Variants in TOX4 observed in about 807,000 individuals in gnomAD.
TOX4 encodes epidermal Langerhans cell protein LCP1.
A neutral mutation model predicts 61.0 loss-of-function variants in TOX4; 12 were observed. That is an observed-to-expected ratio of 0.20 (90% CI 0.13 to 0.32). The LOEUF (loss-of-function observed/expected upper bound fraction) is 0.32. Among genes scored for constraint, TOX4 ranks in the 10% least tolerant of loss-of-function variants. TOX4 has a pLI of 1.00. For synonymous variants in TOX4, 268 were observed against 274.8 expected (o/e 0.98, Z 0.24); for missense variants, 499 against 753.3 (o/e 0.66, Z 3.95).
intron 7 of TOX4, among the ~76,000 whole-genome samples, chr14:21,494,299 T>TG (rs1240856091): frequency 1.3e-5 from 2 of 152,186 alleles, no homozygotes; most frequent in African/African-American, 4.8e-5. Flanking sequence ...TTCATACCGT[T>TG]ATTTTTTAAA....
intron 2 of TOX4, among the ~76,000 whole-genome samples, chr14:21,481,844 A>AT (rs1255515676): frequency 6.6e-6 from 1 of 152,216 alleles, no homozygotes; most frequent in Non-Finnish European, 1.5e-5. Context: ...ATTCGTTCAT[A>AT]TTTTTTAATG....
Position 21,477,609 on chromosome 14 carries a change from C to T in TOX4, c.75+45C>T, listed in dbSNP as rs774030220. The T allele has an allele frequency of 3.1e-5, 49 of 1,605,000 alleles. No individual in the cohort carries two copies. The East Asian group carries it at 3.3e-4, about 11-fold the overall frequency. ...GCCGCGGGGGTAGGGCCTGAGGCAG[C>T]GGTGGGGTAGGGTAGTGGGGAGGAG... On this transcript the variant is annotated intron_variant, in intron 2 of 8. Coordinates refer to ENST00000448790, the MANE Select transcript of TOX4 (RefSeq NM_014828.4).
At position 21,497,087 on chromosome 14, in the gene TOX4, T is replaced by C. The variant is rs545867664; in HGVS notation, c.*481T>C. ...GCTTTGAAAACAAAACTTTTCAACATGGGCATACTGGGCTACATGGAAAAT... is the reference window on the plus strand; with the variant it reads ...GCTTTGAAAACAAAACTTTTCAACACGGGCATACTGGGCTACATGGAAAAT... On this transcript the variant is annotated 3_prime_UTR_variant, in exon 9 of 9. Coordinates refer to ENST00000448790, the MANE Select transcript of TOX4 (RefSeq NM_014828.4). 7 of 154,374 alleles carry C rather than the reference T, an allele frequency of 4.5e-5. No individual in the cohort carries two copies. Among genetic ancestry groups the C allele is most frequent in the Admixed American group, 4.5e-4 (7 of 15,708 alleles). The allele number at this position is 154,374 out of a possible 1,614,324, so 9.6% of individuals were successfully genotyped here.
chr14:21,488,435 ATTTT>A lies in TOX4; in HGVS notation c.319-151_319-148del, dbSNP rs372957889. Reference sequence around the variant, plus strand: ...ATTTCTGTACTTTTTTAAAAAGCTTATTTTTTTATTTTCATTTTTGAAGACTATT... The same window carrying A: ...ATTTCTGTACTTTTTTAAAAAGCTTATTTATTTTCATTTTTGAAGACTATT... On this transcript the variant is annotated intron_variant, in intron 3 of 8. Transcript: ENST00000448790. 1.6e-3 allele frequency: 1,206 copies of A among 776,726 alleles called. 2 individuals carry two copies. Among genetic ancestry groups the A allele is most frequent in the Non-Finnish European group, 1.9e-3 (955 of 497,516 alleles). The allele number at this position is 776,726 out of a possible 1,614,324, so 48.1% of individuals were successfully genotyped here. A position where few individuals can be genotyped will look rare whatever the true frequency, so the allele number is the denominator to read the frequency against.
chr14:21,498,244 G>C lies in TOX4; in HGVS notation c.*1638G>C. On this transcript the variant is annotated 3_prime_UTR_variant, in exon 9 of 9. Coordinates refer to ENST00000448790, the MANE Select transcript of TOX4 (RefSeq NM_014828.4). ...GCCATGGCTATGGATTCTTAGCTCT[G>C]TAAGGAAGTGCTTCTATAAATTCTT... is the stretch of plus-strand genomic sequence containing the variant. 3 of 1,455,280 alleles carry C rather than the reference G, an allele frequency of 2.1e-6. No homozygotes were observed. Among genetic ancestry groups the C allele is most frequent in the Non-Finnish European group, 1.9e-6 (2 of 1,035,076 alleles). The allele number at this position is 1,455,280 out of a possible 1,614,324, so 90.1% of individuals were successfully genotyped here.
rs199525596 is a variant in TOX4, at chr14:21,493,738, CTGTTT to C, written c.1641+503_1641+507del. ...ACAGGTGTGAGCCACTGCACCCGCC[CTGTTT>C]TGTTTTGTTTTGTTTTGTTTTTCTT... On this transcript the variant is annotated intron_variant, in intron 7 of 8. Transcript: ENST00000448790. 3.8e-3 allele frequency among the ~76,000 whole-genome samples: 575 copies of C among 150,494 alleles called. 1 individual carries two copies. Among genetic ancestry groups the C allele is most frequent in the Admixed American group, 5.8e-3 (88 of 15,108 alleles).
At chr14:21,487,351 T>A (rs1419147795) in intron 2 of TOX4, 100 bp from the exon 3 acceptor site, 7 of 1,467,430 alleles carry the variant, frequency 4.8e-6, no homozygotes, top group Non-Finnish European at 6.4e-6. Context: ...GCAGAAAAAA[T>A]GCATCCTGAG....
At chr14:21,492,022 A>T (rs549472865) in intron 5 of TOX4, 83 of 245,564 alleles carry the variant, frequency 3.4e-4, no homozygotes, top group South Asian at 1.8e-3. Context: ...AAAAAAATTT[A>T]AAAAAAATAA....
chr14:21,492,205 T>C, intron 5 of TOX4, 91 bp from the exon 6 acceptor site: 1 of 1,215,422 alleles, frequency 8.2e-7, no homozygotes, highest in Non-Finnish European at 1.2e-6. Flanking sequence ...CTAAGATGAA[T>C]TGTCATTCAT....
At chr14:21,478,308 T>C (rs7151259) in intron 2 of TOX4, among the ~76,000 whole-genome samples, 139,739 of 152,238 alleles carry the variant, frequency 0.92, 64,246 homozygotes, top group Middle Eastern at 0.95. Context: ...TTTGCTAATG[T>C]CAGGAGGAAA....
rs1891319365 is a variant in TOX4 at position 21,492,780 on chromosome 14, T to G, written c.1164T>G (p.Thr388=). 1 of 1,614,038 alleles carries G rather than the reference T, an allele frequency of 6.2e-7. No individual in the cohort carries two copies. The highest frequency in any genetic ancestry group is 8.5e-7 in the Non-Finnish European group (1 of 1,180,052). The change falls in exon 7 of 9, where the codon ACT becomes ACG. Residue 388 remains threonine, a synonymous_variant. Transcript: ENST00000448790. ...CTATGTCTCAAGGAGGGATGGTTAC[T>G]GTTATCCCAGCCACAGTGGTGACCT... ...SITMSQGGMV[T]VIPATVVTSR...
chr14:21,485,339 T>G (rs1169091390), intron 2 of TOX4, among the ~76,000 whole-genome samples: 2 of 101,662 alleles, frequency 2.0e-5, no homozygotes, highest in African/African-American at 7.5e-5. Context: ...CACTTGAACC[T>G]GGGAGGCGGA....
chr14:21,493,916 A>AT (rs1369739369), intron 7 of TOX4, among the ~76,000 whole-genome samples: 1 of 151,658 alleles, frequency 6.6e-6, no homozygotes, highest in Non-Finnish European at 1.5e-5. Context: ...CACCCAGCTA[A>AT]TTTTTTGTAT....
Position 21,492,903 on chromosome 14 carries a change from T to C in TOX4, c.1287T>C (p.Ala429=). ...VTRSVLQAAA[A]AAAAASMQLP... is the part of the protein sequence containing the mutation. Reference sequence around the variant, plus strand: ...GGTCAGTGTTGCAGGCAGCAGCAGCTGCTGCTGCTGCTGCTTCTATGCAAC... The same window carrying C: ...GGTCAGTGTTGCAGGCAGCAGCAGCCGCTGCTGCTGCTGCTTCTATGCAAC... The change falls in exon 7 of 9, where the codon GCT becomes GCC. Residue 429 remains alanine, a synonymous_variant. Coordinates refer to ENST00000448790, the MANE Select transcript of TOX4 (RefSeq NM_014828.4). 1 of 1,590,968 alleles carries C rather than the reference T, an allele frequency of 6.3e-7. No individual in the cohort carries two copies.
chr14:21,489,179 C>T lies in TOX4; in HGVS notation c.586C>T (p.Pro196Ser), dbSNP rs2139625262. Residue 196 changes from proline (P) to serine (S), a missense_variant, in exon 5 of 9, where the codon CCC becomes TCC. Pro to Ser is a moderately conservative substitution (Grantham distance 74). This residue lies in a region of TOX4 where 61 missense variants were observed against 76.1 expected (regional missense o/e 0.80). Transcript: ENST00000448790. Reference sequence around the variant, plus strand: ...TCTTTTTTCTCTCCTACAGCAACTTCCCAGCCAGAAGACAGTCGTGGTGGA... The same window carrying T: ...TCTTTTTTCTCTCCTACAGCAACTTTCCAGCCAGAAGACAGTCGTGGTGGA... ...DGVEDFRRQL[P>S]SQKTVVVEAG... The T allele has an allele frequency of 1.2e-6, 2 of 1,613,220 alleles. No individual in the cohort carries two copies. The highest frequency in any genetic ancestry group is 1.7e-6 in the Non-Finnish European group (2 of 1,179,832).
Position 21,481,236 on chromosome 14 carries a change from T to C in TOX4, c.75+3672T>C, listed in dbSNP as rs140460930. Among the ~76,000 whole-genome samples, 713 of 152,290 alleles carry C rather than the reference T, an allele frequency of 4.7e-3. 5 individuals are homozygous for C. Among genetic ancestry groups the C allele is most frequent in the African/African-American group, 0.016 (678 of 41,546 alleles). On this transcript the variant is annotated intron_variant, in intron 2 of 8. Transcript: ENST00000448790. Reference sequence around the variant, plus strand: ...CTCTGTCACCCAGGCTGGAGTGCAGTGGTGCGGTCTCGACTCACTGCAACC... The same window carrying C: ...CTCTGTCACCCAGGCTGGAGTGCAGCGGTGCGGTCTCGACTCACTGCAACC...
intron 5 of TOX4, among the ~76,000 whole-genome samples, chr14:21,489,999 T>C (rs1483891421): frequency 2.0e-5 from 3 of 150,544 alleles, no homozygotes; most frequent in African/African-American, 4.9e-5. Context: ...CTGGGCAACA[T>C]AGGGAGACCC....
chr14:21,488,399 T>G, intron 3 of TOX4, 191 bp from the exon 4 acceptor site: 3 of 632,312 alleles, frequency 4.7e-6, no homozygotes, highest in Non-Finnish European at 5.3e-6. Flanking sequence ...TGCAAAGAAG[T>G]AAATTCATTA....
In TOX4 at chr14:21,498,485, C is replaced by G; in HGVS notation, c.*1879C>G. The G allele has an allele frequency of 1.1e-6, 1 of 904,500 alleles. No individual in the cohort carries two copies. Among genetic ancestry groups the G allele is most frequent in the Non-Finnish European group, 1.7e-6 (1 of 584,906 alleles). 56.0% of individuals were successfully genotyped at this position (904,500 alleles called of 1,614,324 possible). A position where few individuals can be genotyped will look rare whatever the true frequency, so the allele number is the denominator to read the frequency against. ...TATCATCATATCAAATATGCCAATT[C>G]TAAAAAGAGCTTAACATTAGAATAG... On this transcript the variant is annotated 3_prime_UTR_variant, in exon 9 of 9. Coordinates refer to ENST00000448790, the MANE Select transcript of TOX4 (RefSeq NM_014828.4).
Sources: gnomAD v4.1 joint callset for allele counts (sites outside exome capture counted in the v4.1 genomes callset) on GRCh38, gnomAD v4.1.1 for gene constraint, gnomAD v4.1.1 regional missense constraint, MANE v1.5 for transcripts, NCBI Gene and HGNC (gene_info 2026-07-23, HGNC 2026-07-21) for gene names.